The following DLGAP2 variants were observed in gnomAD, a reference collection of about 807,000 sequenced individuals.
DLGAP2 encodes disks large-associated protein 2.
DLGAP2 carries 26 observed loss-of-function variants against 100.3 expected under a neutral mutation model. That is an observed-to-expected ratio of 0.26 (90% CI 0.19 to 0.36). The LOEUF (loss-of-function observed/expected upper bound fraction) is 0.36. Ranked by LOEUF, DLGAP2 falls within the 10% of genes least tolerant of loss-of-function variation. DLGAP2 has a pLI of 1.00. For synonymous variants in DLGAP2, 886 were observed against 630.1 expected, an observed-to-expected ratio of 1.41 and a Z score of -6.08; for missense variants, 1,858 against 1,453.2, an observed-to-expected ratio of 1.28 and a Z score of -4.53.
At chr8:1,439,788 C>T (rs1037615906) in intron 3 of DLGAP2, among the ~76,000 whole-genome samples, 3 of 152,210 alleles carry the variant, frequency 2.0e-5, no homozygotes, top group African/African-American at 4.8e-5. Flanking sequence ...TTCCGATGAG[C>T]CACGTGTGCA....
chr8:1,647,717 G>A (rs1240356202), intron 8 of DLGAP2, among the ~76,000 whole-genome samples: 1 of 152,132 alleles, frequency 6.6e-6, no homozygotes, highest in Admixed American at 6.5e-5. Flanking sequence ...GGAGCTGCCA[G>A]TCCCCTGCCG....
At position 969,841 on chromosome 8, in the gene DLGAP2, A is replaced by G. The variant is rs112458437; in HGVS notation, c.73+61875A>G. Among the ~76,000 whole-genome samples, 1,511 of 152,272 alleles carry G rather than the reference A, an allele frequency of 9.9e-3. 31 individuals are homozygous for G. Among genetic ancestry groups the G allele is most frequent in the African/African-American group, 0.035 (1,445 of 41,548 alleles). ...TTGGTGATCGTGTAGACTTAAAGTG[A>G]TGGGGAATATGTTATTAGTACAGAT... On this transcript the variant is annotated intron_variant, in intron 2 of 14. Coordinates refer to ENST00000637795, the MANE Select transcript of DLGAP2 (RefSeq NM_001346810.2).
chr8:1,224,863 C>A (rs754421971), intron 2 of DLGAP2, among the ~76,000 whole-genome samples: 5 of 152,190 alleles, frequency 3.3e-5, no homozygotes, highest in Admixed American at 3.3e-4. Context: ...TGGGGAGATG[C>A]GAGTCAAAAC....
Position 1,678,361 on chromosome 8 carries a change from C to A in DLGAP2, c.2436C>A (p.Pro812=), listed in dbSNP as rs200249004. Residue 812 remains proline (P), a synonymous_variant, in exon 12 of 15, where the codon CCC becomes CCA. Transcript: ENST00000637795. ...SFQRHSEPST[P]TQYSAVRTVR... ...AGCGGCACTCCGAGCCCAGCACCCC[C>A]ACCCAGTACAGCGCGGTGAGAACTG... The A allele has an allele frequency of 1.3e-3, 2,176 of 1,614,034 alleles. 22 individuals are homozygous for A. Among genetic ancestry groups the A allele is most frequent in the South Asian group, 7.3e-3 (665 of 91,090 alleles).
At position 1,613,422 on chromosome 8, in the gene DLGAP2, T is replaced by C. The variant is rs183922368; in HGVS notation, c.1443-13318T>C. Among the ~76,000 whole-genome samples, 834 of 151,514 alleles carry C rather than the reference T, an allele frequency of 5.5e-3. 7 individuals carry two copies. Among genetic ancestry groups the C allele is most frequent in the African/African-American group, 0.019 (781 of 41,142 alleles). On this transcript the variant is annotated intron_variant, in intron 6 of 14. Transcript: ENST00000637795. ...TGGGGGGAGCGGGGAGGGATAGAAT[T>C]GGGAGATATACCTAAGGCTAGATGA... is the stretch of plus-strand genomic sequence containing the variant.
chr8:1,507,589 A>C (rs1799972549), intron 4 of DLGAP2, among the ~76,000 whole-genome samples: 1 of 152,072 alleles, frequency 6.6e-6, no homozygotes, highest in Non-Finnish European at 1.5e-5. Flanking sequence ...AGGGCTCCTC[A>C]AGTGCGGCCG....
At chr8:1,296,846 C>A (rs1410741293) in intron 3 of DLGAP2, among the ~76,000 whole-genome samples, 1 of 152,202 alleles carries the variant, frequency 6.6e-6, no homozygotes, top group Non-Finnish European at 1.5e-5. Context: ...CAGGACAGTG[C>A]TGCGGAGGGG....
intron 1 of DLGAP2, among the ~76,000 whole-genome samples, chr8:865,424 C>T (rs1055598072): frequency 2.6e-5 from 4 of 152,120 alleles, no homozygotes; most frequent in Non-Finnish European, 5.9e-5. Flanking sequence ...TCTTGATTTG[C>T]GGCGTCAGGT....
rs868176655 is a variant in DLGAP2 at position 1,407,757 on chromosome 8, G to A, written c.107-93609G>A. ...CGCCAGCTCGTCATCCTCCAGAGTCGTGTATTGAGTGCTTACTGAGCGCCA... is the reference window on the plus strand; with the variant it reads ...CGCCAGCTCGTCATCCTCCAGAGTCATGTATTGAGTGCTTACTGAGCGCCA... On this transcript the variant is annotated intron_variant, in intron 3 of 14. Coordinates refer to ENST00000637795, the MANE Select transcript of DLGAP2 (RefSeq NM_001346810.2). Among the ~76,000 whole-genome samples, 25 of 145,462 alleles carry A rather than the reference G, an allele frequency of 1.7e-4. 1 individual carries two copies. Among genetic ancestry groups the A allele is most frequent in the Admixed American group, 4.1e-4 (6 of 14,644 alleles).
intron 2 of DLGAP2, among the ~76,000 whole-genome samples, chr8:1,142,911 G>T (rs908934204): frequency 3.3e-5 from 5 of 152,154 alleles, no homozygotes; most frequent in African/African-American, 9.7e-5. Flanking sequence ...GCCAAGAGGG[G>T]TCGTATCCCC....
intron 1 of DLGAP2, among the ~76,000 whole-genome samples, chr8:778,401 C>A (rs1024071727): frequency 5.3e-5 from 8 of 152,206 alleles, no homozygotes; most frequent in Non-Finnish European, 1.0e-4. Flanking sequence ...AACTGCGTTC[C>A]GTTGGAGGAG....
chr8:939,869 CAG>C (rs1323077048), intron 2 of DLGAP2, among the ~76,000 whole-genome samples: 1 of 150,426 alleles, frequency 6.6e-6, no homozygotes, highest in African/African-American at 2.5e-5. Context: ...GGTGCAGACA[CAG>C]GGGCTGGGGT....
chr8:1,385,736 G>A, intron 3 of DLGAP2, among the ~76,000 whole-genome samples: 1 of 140,730 alleles, frequency 7.1e-6, no homozygotes, highest in Non-Finnish European at 1.5e-5. Flanking sequence ...AGAACTTGGT[G>A]CACAGTTACC....
intron 2 of DLGAP2, among the ~76,000 whole-genome samples, chr8:1,069,633 A>C (rs1417326517): frequency 6.6e-6 from 1 of 152,168 alleles, no homozygotes; most frequent in Non-Finnish European, 1.5e-5. Flanking sequence ...GCTTAAAAAT[A>C]GCGTCATTAG....
At chr8:798,873 T>C (rs7464007) in intron 1 of DLGAP2, among the ~76,000 whole-genome samples, 141,807 of 146,404 alleles carry the variant, frequency 0.97, 68,636 homozygotes, top group Non-Finnish European at 0.98. Flanking sequence ...CAGCCCCGTG[T>C]CCCGGCGCCA....
rs568882041 is a variant in DLGAP2 at position 1,024,731 on chromosome 8, G to A, written c.73+116765G>A. Among the ~76,000 whole-genome samples, 15 of 152,314 alleles carry A rather than the reference G, an allele frequency of 9.8e-5. No individual in the cohort carries two copies. The South Asian group carries it at 3.1e-3, about 32-fold the overall frequency. Reference sequence around the variant, plus strand: ...ACTCACAGGCGCTTCAGCAGGGCTGGGTCACGGTCACGTAGGGTCCTCTGG... The same window carrying A: ...ACTCACAGGCGCTTCAGCAGGGCTGAGTCACGGTCACGTAGGGTCCTCTGG... On this transcript the variant is annotated intron_variant, in intron 2 of 14. Transcript: ENST00000637795.
chr8:1,156,195 T>TCC (rs1435579238), intron 2 of DLGAP2, among the ~76,000 whole-genome samples: 1 of 152,096 alleles, frequency 6.6e-6, no homozygotes, highest in Admixed American at 6.5e-5. Context: ...TCTCAGACCC[T>TCC]CCCTCTGCCG....
intron 2 of DLGAP2, among the ~76,000 whole-genome samples, chr8:1,049,557 G>A (rs7831705): frequency 1.5e-4 from 23 of 152,172 alleles, no homozygotes; most frequent in East Asian, 7.7e-4. Context: ...ATAAAAGGTA[G>A]GGCGTATACA....
At chr8:772,234 T>C (rs1821382340) in intron 1 of DLGAP2, among the ~76,000 whole-genome samples, 1 of 152,076 alleles carries the variant, frequency 6.6e-6, no homozygotes. Context: ...AGTAGCCATA[T>C]TGAAAAAGTA....
Sources: gnomAD v4.1 joint callset for allele counts (sites outside exome capture counted in the v4.1 genomes callset) on GRCh38, gnomAD v4.1.1 for gene constraint, MANE v1.5 for transcripts, NCBI Gene and HGNC (gene_info 2026-07-23, HGNC 2026-07-21) for gene names.